The following RFC3 variants were observed in gnomAD, a reference collection of about 807,000 sequenced individuals.
RFC3 encodes replication factor C subunit 3, also known as A1 38 kDa subunit.
In RFC3, 41 loss-of-function variants were observed where a neutral mutation model predicts 45.1. That is an observed-to-expected ratio of 0.91 (90% confidence interval 0.71 to 1.18). The LOEUF (loss-of-function observed/expected upper bound fraction) is 1.18. Ranked by LOEUF, RFC3 falls within the 50% of genes most tolerant of loss-of-function variation. The pLI is 0.00. For synonymous variants in RFC3, 149 were observed against 144.0 expected (o/e 1.03, Z -0.25); for missense variants, 423 against 428.1 (o/e 0.99, Z 0.10).
At position 33,858,095 on chromosome 13, in the gene RFC3, G is replaced by A. The variant is rs375535031; in HGVS notation, c.879+22878G>A. Among the ~76,000 whole-genome samples, 19 of 152,086 alleles carry A rather than the reference G, an allele frequency of 1.2e-4. No individual in the cohort carries two copies. The East Asian group carries it at 1.3e-3, about 11-fold the overall frequency. On this transcript the variant is annotated intron_variant, in intron 8 of 8. Transcript: ENST00000434425. ...CTATATTGTGAAATAAGGATGGAGC[G>A]GAAGGGACCAGATCATAACCATCTC...
chr13:33,941,437 A>G (rs565995460), intron 8 of RFC3, among the ~76,000 whole-genome samples: 4 of 152,230 alleles, frequency 2.6e-5, no homozygotes, highest in Non-Finnish European at 5.9e-5. Context: ...TTATTTTAGG[A>G]AAGTCTGATG....
chr13:33,827,846 C>T (rs72621257), intron 4 of RFC3, among the ~76,000 whole-genome samples: 4,975 of 152,132 alleles, frequency 0.033, 169 homozygotes, highest in East Asian at 0.17. Context: ...TTTTCCTGTA[C>T]TTAGGGAAGG....
chr13:33,915,487 C>A (rs1269278973), intron 8 of RFC3, among the ~76,000 whole-genome samples: 1 of 152,144 alleles, frequency 6.6e-6, no homozygotes, highest in Admixed American at 6.5e-5. Context: ...TAAATGTACT[C>A]ACTAATCAGA....
chr13:33,936,575 G>C (rs1469905203), intron 8 of RFC3, among the ~76,000 whole-genome samples: 1 of 152,108 alleles, frequency 6.6e-6, no homozygotes, highest in Admixed American at 6.5e-5. Flanking sequence ...GCACACACAG[G>C]GAAAACAGCA....
At chr13:33,976,242 C>T in the RFC3 span, among the ~76,000 whole-genome samples, 1 of 152,088 alleles carries the variant, frequency 6.6e-6, no homozygotes, top group African/African-American at 2.4e-5. Flanking sequence ...CAGATATACA[C>T]AATGGAATAT....
chr13:33,848,735 G>A (rs2082256447), intron 8 of RFC3: 1 of 151,830 alleles, frequency 6.6e-6, no homozygotes, highest in African/African-American at 2.4e-5. Context: ...GGTATACTCA[G>A]ATGAGCATAA....
rs774069906 is a variant in RFC3 at position 33,831,329 on chromosome 13, A to G, written c.784A>G (p.Ile262Val). The change falls in exon 7 of 9, where the codon ATT becomes GTT. Residue 262 changes from isoleucine to valine, a missense_variant. By Grantham distance (29) the Ile-to-Val change is conservative (BLOSUM62 3). Transcript: ENST00000380071. Reference protein sequence around the residue: ...EVYLRETANAIVSQQTPQRLL... With the variant: ...EVYLRETANAVVSQQTPQRLL... ...GTATCTGAGGGAGACTGCAAATGCT[A>G]TTGTCAGTCAGCAAACTCCACAAAG... 24 of 1,606,900 alleles carry G rather than the reference A, an allele frequency of 1.5e-5. No homozygotes were observed. The highest frequency in any genetic ancestry group is 5.0e-5 in the Admixed American group (3 of 59,980).
chr13:33,946,376 G>C (rs2082954505), intron 8 of RFC3, among the ~76,000 whole-genome samples: 1 of 152,224 alleles, frequency 6.6e-6, no homozygotes, highest in South Asian at 2.1e-4. Context: ...GTAGTTTCCA[G>C]ACTTTTTTCT....
At chr13:33,839,578 C>T (rs190008049), downstream of RFC3, among the ~76,000 whole-genome samples, 1 of 152,192 alleles carries the variant, frequency 6.6e-6, no homozygotes, top group East Asian at 1.9e-4. Context: ...GATCAAGCTT[C>T]AGTGTACTGA....
At chr13:33,830,061 T>C (rs1188788112) in intron 5 of RFC3, 44 bp downstream of exon 5, 1 of 1,495,856 alleles carries the variant, frequency 6.7e-7, no homozygotes, top group East Asian at 2.3e-5. Flanking sequence ...CAGTTCAGAT[T>C]CTCTGAATAT....
intron 8 of RFC3, among the ~76,000 whole-genome samples, chr13:33,920,961 G>C (rs1466291306): frequency 6.6e-6 from 1 of 152,026 alleles, no homozygotes; most frequent in South Asian, 2.1e-4. Context: ...AACGTACCTC[G>C]TATATGCCTC....
chr13:33,974,278 G>A, the RFC3 span, among the ~76,000 whole-genome samples: 2,457 of 152,230 alleles, frequency 0.016, 125 homozygotes, highest in Admixed American at 0.099. Flanking sequence ...CTTGACTTAA[G>A]GCAAACTGTT....
intron 8 of RFC3, among the ~76,000 whole-genome samples, chr13:33,851,946 A>G (rs1271335740): frequency 6.6e-6 from 1 of 152,206 alleles, no homozygotes; most frequent in African/African-American, 2.4e-5. Context: ...TGGCTTTCAG[A>G]TATCAAATTT....
At chr13:33,908,607 TACACACACACAC>T (rs71074991) in intron 8 of RFC3, among the ~76,000 whole-genome samples, 24 of 142,696 alleles carry the variant, frequency 1.7e-4, no homozygotes, top group Middle Eastern at 6.9e-3. Flanking sequence ...ACACAGGAGA[TACACACACACAC>T]ACACACACAC....
intron 8 of RFC3, among the ~76,000 whole-genome samples, chr13:33,925,554 A>G (rs1209621224): frequency 2.7e-5 from 4 of 147,372 alleles, no homozygotes; most frequent in African/African-American, 1.0e-4. Flanking sequence ...CTATATACAT[A>G]CATACATAGT....
At chr13:33,968,818 T>G (rs376454441), downstream of RFC3, among the ~76,000 whole-genome samples, 11 of 152,286 alleles carry the variant, frequency 7.2e-5, no homozygotes, top group East Asian at 2.1e-3. Context: ...TACGTTGTCT[T>G]GGAAGTTCTG....
At chr13:33,965,728 C>T (rs9563949) in intron 8 of RFC3, among the ~76,000 whole-genome samples, 65,722 of 152,026 alleles carry the variant, frequency 0.43, 15,536 homozygotes, top group East Asian at 0.78. Context: ...CAGATAGAAA[C>T]TATCTTCAGC....
At chr13:33,840,935 A>G (rs974646896), downstream of RFC3, among the ~76,000 whole-genome samples, 14 of 152,200 alleles carry the variant, frequency 9.2e-5, no homozygotes, top group African/African-American at 3.1e-4. Flanking sequence ...ATTCACAGCC[A>G]AGAGAAATGT....
chr13:33,869,792 C>G (rs76927951), intron 8 of RFC3, among the ~76,000 whole-genome samples: 4,528 of 152,246 alleles, frequency 0.03, 133 homozygotes, highest in African/African-American at 0.069. Flanking sequence ...TAGCATATGT[C>G]CGGTGTCTTA....
Sources: allele counts gnomAD v4.1 joint callset (sites outside exome capture counted in the v4.1 genomes callset), GRCh38; gene constraint gnomAD v4.1.1; transcripts MANE v1.5; gene names NCBI Gene and HGNC (gene_info 2026-07-23, HGNC 2026-07-21).